ARHGAP29: variants seen among roughly 807,000 people sequenced by gnomAD.
ARHGAP29 encodes the protein rho GTPase-activating protein 29.
A neutral mutation model predicts 122.6 loss-of-function variants in ARHGAP29; 43 were observed. The observed-to-expected ratio is 0.35, with a 90% CI of 0.27 to 0.45. The LOEUF (loss-of-function observed/expected upper bound fraction) is 0.45. Ranked by LOEUF, ARHGAP29 falls within the 20% of genes least tolerant of loss-of-function variation. The probability of loss-of-function intolerance (pLI) is 1.00; values close to 1 mark genes in which losing one functional copy is unlikely to be tolerated. For synonymous variants in ARHGAP29, 506 were observed against 497.1 expected (o/e 1.02, Z -0.24); for missense variants, 1,303 against 1,477.2 (o/e 0.88, Z 1.93).
intron 1 of ARHGAP29, among the ~76,000 whole-genome samples, chr1:94,267,257 T>C (rs551603931): frequency 3.9e-5 from 6 of 152,346 alleles, no homozygotes; most frequent in African/African-American, 1.4e-4. Context: ...TCCCAAATTC[T>C]GGAAAGTCAT....
In ARHGAP29 at chr1:94,182,457, A is replaced by G. The variant is rs1485259606; in HGVS notation, c.2247+1694T>C. Among the ~76,000 whole-genome samples, 3 of 152,120 alleles carry G rather than the reference A, an allele frequency of 2.0e-5. No individual in the cohort carries two copies. In the East Asian group the frequency reaches 5.8e-4, roughly 29 times the overall value. On this transcript the variant is annotated intron_variant, in intron 19 of 22. Coordinates refer to ENST00000260526, the MANE Select transcript of ARHGAP29 (RefSeq NM_004815.4). ...TAACCAGGATTGGCAGCGCTTATGG[A>G]GTGCCCTGAATAGTGGATAAAATAC... is the stretch of plus-strand genomic sequence containing the variant.
intron 15 of ARHGAP29, among the ~76,000 whole-genome samples, chr1:94,186,920 T>C (rs970924435): frequency 6.6e-6 from 1 of 152,226 alleles, no homozygotes; most frequent in Non-Finnish European, 1.5e-5. Context: ...CATTCATATC[T>C]AATACCTAAT....
At chr1:94,283,453 T>A in the ARHGAP29 span, among the ~76,000 whole-genome samples, 1 of 152,180 alleles carries the variant, frequency 6.6e-6, no homozygotes, top group East Asian at 1.9e-4. Flanking sequence ...AGACTTATTT[T>A]AAAATGCCCC....
chr1:94,229,151 T>C (rs547388981), intron 2 of ARHGAP29, among the ~76,000 whole-genome samples: 1 of 151,834 alleles, frequency 6.6e-6, no homozygotes, highest in African/African-American at 2.4e-5. Context: ...CACTTTAACG[T>C]TGTGGTGATA....
the ARHGAP29 span, among the ~76,000 whole-genome samples, chr1:94,293,467 C>T: frequency 6.6e-6 from 1 of 152,366 alleles, no homozygotes; most frequent in East Asian, 1.9e-4. Flanking sequence ...CCTGCTTCAG[C>T]TCACCCTCCA....
At chr1:94,225,266 T>C (rs1652549249) in intron 2 of ARHGAP29, among the ~76,000 whole-genome samples, 1 of 152,152 alleles carries the variant, frequency 6.6e-6, no homozygotes, top group African/African-American at 2.4e-5. Flanking sequence ...CAACCCTTGA[T>C]CAACTACTTC....
chr1:94,239,741 G>A (rs1473385680), upstream of ARHGAP29, among the ~76,000 whole-genome samples: 1 of 138,890 alleles, frequency 7.2e-6, no homozygotes, highest in Admixed American at 7.6e-5. Context: ...AAACAGTTCT[G>A]GGGGAAATGA....
chr1:94,244,779 A>C (rs1022719663), intron 1 of ARHGAP29, among the ~76,000 whole-genome samples: 3 of 152,158 alleles, frequency 2.0e-5, no homozygotes, highest in Non-Finnish European at 4.4e-5. Context: ...TGAACAAAAA[A>C]ATTTAAAACT....
the ARHGAP29 span, among the ~76,000 whole-genome samples, chr1:94,291,393 T>A: frequency 6.6e-6 from 1 of 152,214 alleles, no homozygotes; most frequent in African/African-American, 2.4e-5. Flanking sequence ...GATGGGTCTT[T>A]ACTCTTTATC....
chr1:94,203,513 T>C (rs1268577071), intron 8 of ARHGAP29, among the ~76,000 whole-genome samples: 1 of 152,162 alleles, frequency 6.6e-6, no homozygotes, highest in Non-Finnish European at 1.5e-5. Context: ...GGTGGGTGGA[T>C]TACTTGAGCT....
At chr1:94,224,507 G>A (rs1652504538) in intron 2 of ARHGAP29, among the ~76,000 whole-genome samples, 1 of 152,006 alleles carries the variant, frequency 6.6e-6, no homozygotes, top group African/African-American at 2.4e-5. Context: ...GTAATACTGT[G>A]GTCTTCTCAG....
chr1:94,185,126 G>C (rs1437013120), intron 17 of ARHGAP29, 66 bp from the exon 18 acceptor site: 5 of 1,441,644 alleles, frequency 3.5e-6, no homozygotes, highest in Admixed American at 4.6e-5. Context: ...CAAACTGCAG[G>C]TGGAAGGTAA....
chr1:94,187,975 A>G (rs548158024), intron 15 of ARHGAP29, among the ~76,000 whole-genome samples: 17 of 152,180 alleles, frequency 1.1e-4, no homozygotes, highest in Non-Finnish European at 2.4e-4. Context: ...CAACTTCAGC[A>G]ATATGTAAAA....
chr1:94,256,536 C>CTTTTTGTTTTTTTTTTTTTTTTTTTTT (rs1654354997), intron 1 of ARHGAP29, among the ~76,000 whole-genome samples: 1 of 45,296 alleles, frequency 2.2e-5, no homozygotes, highest in Non-Finnish European at 3.7e-5. Flanking sequence ...CAGTACTAAT[C>CTTTTTGTTTTTTTTTTTTTTTTTTTTT]TTTTTTTTTT....
chr1:94,169,550 G>T lies in ARHGAP29; in HGVS notation c.*4319C>A, dbSNP rs1486086753. The stretch of plus-strand genomic sequence containing the variant: ...TTAACCTCAAAGGATTGAATTGAAG[G>T]TGTCAATGTGAACTCAAAGTTTTCA... On this transcript the variant is annotated 3_prime_UTR_variant, in exon 23 of 23. Coordinates refer to ENST00000260526, the MANE Select transcript of ARHGAP29 (RefSeq NM_004815.4). Among the ~76,000 whole-genome samples, 6 of 152,194 alleles carry T rather than the reference G, an allele frequency of 3.9e-5. No homozygotes were observed. Among genetic ancestry groups the T allele is most frequent in the African/African-American group, 1.4e-4 (6 of 41,450 alleles).
chr1:94,306,273 G>A, the ARHGAP29 span, among the ~76,000 whole-genome samples: 1 of 152,216 alleles, frequency 6.6e-6, no homozygotes, highest in Non-Finnish European at 1.5e-5. Context: ...AGGAAAGACT[G>A]CGTTCTTTCC....
At chr1:94,220,037 T>C (rs1321760983) in intron 3 of ARHGAP29, among the ~76,000 whole-genome samples, 2 of 152,202 alleles carry the variant, frequency 1.3e-5, no homozygotes, top group Non-Finnish European at 2.9e-5. Context: ...GTTAAGTCTT[T>C]TTAAAGTATT....
At chr1:94,204,928 C>G in intron 7 of ARHGAP29, 133 bp downstream of exon 7, 3 of 890,804 alleles carry the variant, frequency 3.4e-6, no homozygotes, top group Non-Finnish European at 4.7e-6. Context: ...AGAGTCTTTT[C>G]TGGATAATGG....
At chr1:94,194,865 T>A (rs920807525) in intron 12 of ARHGAP29, 1 of 152,238 alleles carries the variant, frequency 6.6e-6, no homozygotes, top group Non-Finnish European at 1.5e-5. Context: ...GCTGCTTAAC[T>A]GGTTGACTCT....
Sources: allele counts gnomAD v4.1 joint callset (sites outside exome capture counted in the v4.1 genomes callset), GRCh38; gene constraint gnomAD v4.1.1; transcripts MANE v1.5; gene names NCBI Gene and HGNC (gene_info 2026-07-23, HGNC 2026-07-21).